STK32B: variants seen among roughly 807,000 people sequenced by gnomAD.
STK32B encodes the protein serine/threonine kinase 32B, also known as serine/threonine-protein kinase 32B.
Under a neutral mutation model 52.6 loss-of-function variants are expected in STK32B, and 43 were observed. The ratio of observed to expected loss-of-function variants is 0.82; its 90% CI spans 0.64 to 1.05. The LOEUF (loss-of-function observed/expected upper bound fraction) is 1.05. Ranked by LOEUF, STK32B falls within the 50% of genes least tolerant of loss-of-function variation. The pLI, the probability that STK32B is intolerant of heterozygous loss-of-function variation, is 0.00. For missense variants in STK32B, 621 were observed against 534.6 expected (o/e 1.16, Z -1.59); for synonymous variants, 238 against 204.3 (o/e 1.17, Z -1.41).
At position 5,269,085 on chromosome 4, in the gene STK32B, C is replaced by G. The variant is rs764771793; in HGVS notation, c.261-62135C>G. Among the ~76,000 whole-genome samples the G allele has an allele frequency of 2.6e-5, 4 of 152,082 alleles. 1 individual carries two copies. The highest frequency in any genetic ancestry group is 4.8e-5 in the African/African-American group (2 of 41,408). ...TGAGAGTCTGGAAAGACCAAGGCAG[C>G]TAGAGTTCATAGATCAGTGTACCAG... On this transcript the variant is annotated intron_variant, in intron 3 of 11. Coordinates refer to ENST00000282908, the MANE Select transcript of STK32B (RefSeq NM_018401.3).
chr4:5,352,989 A>G (rs960156479), intron 4 of STK32B, among the ~76,000 whole-genome samples: 5 of 152,148 alleles, frequency 3.3e-5, no homozygotes, highest in Admixed American at 2.6e-4. Flanking sequence ...TGAGGCATCA[A>G]AATAACTGAC....
chr4:5,086,728 A>G (rs554535107), intron 1 of STK32B, among the ~76,000 whole-genome samples: 1 of 152,316 alleles, frequency 6.6e-6, no homozygotes, highest in South Asian at 2.1e-4. Context: ...CATCAGGTGT[A>G]GTAAGATTAA....
chr4:5,062,993 G>C (rs62291620), intron 1 of STK32B, among the ~76,000 whole-genome samples: 49,833 of 151,566 alleles, frequency 0.33, 9,493 homozygotes, highest in East Asian at 0.5. Flanking sequence ...TTTTTTCTTC[G>C]GACACTGATT....
chr4:5,303,315 T>C (rs1729696581), intron 3 of STK32B, among the ~76,000 whole-genome samples: 1 of 152,070 alleles, frequency 6.6e-6, no homozygotes, highest in Non-Finnish European at 1.5e-5. Context: ...TAAAAGTGTT[T>C]CATTTACACC....
At chr4:5,447,525 A>G (rs1715571934) in intron 7 of STK32B, among the ~76,000 whole-genome samples, 1 of 152,142 alleles carries the variant, frequency 6.6e-6, no homozygotes, top group African/African-American at 2.4e-5. Flanking sequence ...AGTCTCAGCT[A>G]CTTGGGAGGC....
At chr4:5,205,467 C>A (rs1355049509) in intron 3 of STK32B, among the ~76,000 whole-genome samples, 1 of 152,198 alleles carries the variant, frequency 6.6e-6, no homozygotes, top group Non-Finnish European at 1.5e-5. Flanking sequence ...CCAGGGCACA[C>A]AGAGACAGGG....
Position 5,394,054 on chromosome 4 carries a change from C to G in STK32B, c.435-4153C>G, listed in dbSNP as rs1457429928. ...GCCAGCATAGAATATTGAGAAGCCC[C>G]CTGCCAAAAGACACATGCAGAAACA... On this transcript the variant is annotated intron_variant, in intron 4 of 11. Coordinates refer to ENST00000282908, the MANE Select transcript of STK32B (RefSeq NM_018401.3). This position sits in a 1 kb window ranked among gnomAD's most constrained non-coding sequence, Gnocchi z 4.2. Among the ~76,000 whole-genome samples, 5 of 152,210 alleles carry G rather than the reference C, an allele frequency of 3.3e-5. No individual in the cohort carries two copies. Among genetic ancestry groups the G allele is most frequent in the Non-Finnish European group, 5.9e-5 (4 of 68,048 alleles).
chr4:5,167,361 G>C (rs6841195), intron 2 of STK32B, among the ~76,000 whole-genome samples: 10,712 of 152,274 alleles, frequency 0.07, 671 homozygotes, highest in Admixed American at 0.17. Flanking sequence ...TAGGGATTCA[G>C]TGAGATGGTC....
chr4:5,379,842 C>T (rs185132030), intron 4 of STK32B, among the ~76,000 whole-genome samples: 2 of 152,290 alleles, frequency 1.3e-5, no homozygotes, highest in African/African-American at 4.8e-5. Flanking sequence ...TGTTTAAGCC[C>T]CCGGTTCGTG....
At chr4:5,336,428 C>T (rs572770485) in intron 4 of STK32B, among the ~76,000 whole-genome samples, 72 of 152,020 alleles carry the variant, frequency 4.7e-4, no homozygotes, top group South Asian at 4.4e-3. Flanking sequence ...ACATCAGGAT[C>T]CGAGCAACGA....
chr4:5,052,801 A>C (rs1023158071), intron 1 of STK32B, among the ~76,000 whole-genome samples: 5 of 152,106 alleles, frequency 3.3e-5, no homozygotes, highest in African/African-American at 1.2e-4. Context: ...CTGGTTTCCT[A>C]CTGTGCTGAC....
chr4:5,255,034 A>G (rs1479677894), intron 3 of STK32B, among the ~76,000 whole-genome samples: 1 of 151,578 alleles, frequency 6.6e-6, no homozygotes, highest in Non-Finnish European at 1.5e-5. Context: ...GTATTTCACA[A>G]TGATTAAAAT....
In STK32B at chr4:5,155,637, G is replaced by T. The variant is rs1717765956; in HGVS notation, c.109-12662G>T. Among the ~76,000 whole-genome samples, 5 of 152,128 alleles carry T rather than the reference G, an allele frequency of 3.3e-5. No individual in the cohort carries two copies. The South Asian group carries it at 1.0e-3, about 32-fold the overall frequency. On this transcript the variant is annotated intron_variant, in intron 2 of 11. Coordinates refer to ENST00000282908, the MANE Select transcript of STK32B (RefSeq NM_018401.3). Reference sequence around the variant, plus strand: ...GGGAGGTGACTGGTTCCTGGGGGCGGTTTCCCCCATGCTGTTCTCATGATA... The same window carrying T: ...GGGAGGTGACTGGTTCCTGGGGGCGTTTTCCCCCATGCTGTTCTCATGATA...
intron 1 of STK32B, among the ~76,000 whole-genome samples, chr4:5,127,370 A>G (rs1465725189): frequency 6.6e-6 from 1 of 152,178 alleles, no homozygotes; most frequent in Non-Finnish European, 1.5e-5. Context: ...CAGAGGGCAG[A>G]GGGAAGAGTT....
At chr4:5,097,687 C>A (rs62290460) in intron 1 of STK32B, among the ~76,000 whole-genome samples, 3,694 of 152,242 alleles carry the variant, frequency 0.024, 79 homozygotes, top group Middle Eastern at 0.075. Flanking sequence ...TTTATGGTTT[C>A]TGAAAGACTT....
intron 3 of STK32B, among the ~76,000 whole-genome samples, chr4:5,260,070 T>A (rs900253118): frequency 1.7e-4 from 25 of 143,958 alleles, no homozygotes; most frequent in African/African-American, 2.9e-4. Flanking sequence ...TATGCAAACA[T>A]ACACACATAC....
Position 5,453,449 on chromosome 4 carries a change from C to CT in STK32B, c.667-3354dup, listed in dbSNP as rs1274695295. The stretch of plus-strand genomic sequence containing the variant: ...AGAATCGGGGACATTGGGAAAGTCT[C>CT]TTTTCATCTCCCAGCCTCAGTTTCC... On this transcript the variant is annotated intron_variant, in intron 7 of 11. Coordinates refer to ENST00000282908, the MANE Select transcript of STK32B (RefSeq NM_018401.3). The surrounding 1 kb of genome is among the most constrained non-coding windows in gnomAD (Gnocchi z 4.0). Among the ~76,000 whole-genome samples, 18 of 152,148 alleles carry CT rather than the reference C, an allele frequency of 1.2e-4. No individual in the cohort carries two copies. Among genetic ancestry groups the CT allele is most frequent in the Admixed American group, 5.2e-4 (8 of 15,266 alleles).
chr4:5,304,821 G>A (rs533408880), intron 3 of STK32B, among the ~76,000 whole-genome samples: 15 of 152,046 alleles, frequency 9.9e-5, no homozygotes, highest in Admixed American at 6.6e-4. Flanking sequence ...ATTGGCTGTG[G>A]GTTTGTCATA....
chr4:5,175,933 G>A (rs574185091), intron 3 of STK32B, among the ~76,000 whole-genome samples: 1 of 152,386 alleles, frequency 6.6e-6, no homozygotes, highest in African/African-American at 2.4e-5. Flanking sequence ...GCCTCCTTGA[G>A]CTGTGGTGGG....
Sources: allele counts gnomAD v4.1 joint callset (sites outside exome capture counted in the v4.1 genomes callset), GRCh38; gene constraint gnomAD v4.1.1; non-coding constraint Gnocchi (gnomAD v3.1); transcripts MANE v1.5; gene names NCBI Gene and HGNC (gene_info 2026-07-23, HGNC 2026-07-21).